Variants in ITGA9 observed in about 807,000 individuals in gnomAD.
ITGA9 encodes the protein integrin subunit alpha 9.
ITGA9 carries 56 observed loss-of-function variants against 127.8 expected under a neutral mutation model. The observed-to-expected ratio is 0.44, with a 90% confidence interval of 0.35 to 0.55. The LOEUF (loss-of-function observed/expected upper bound fraction) is 0.55. Among genes scored for constraint, ITGA9 ranks in the 20% least tolerant of loss-of-function variants. The pLI, the probability that ITGA9 is intolerant of heterozygous loss-of-function variation, is 0.00. For missense variants in ITGA9, 1,196 were observed against 1,347.1 expected (o/e 0.89, Z 1.76); for synonymous variants, 508 against 514.5 (o/e 0.99, Z 0.17).
intron 4 of ITGA9, among the ~76,000 whole-genome samples, chr3:37,490,015 C>A (rs1698653170): frequency 6.7e-6 from 1 of 149,416 alleles, no homozygotes; most frequent in Non-Finnish European, 1.5e-5. Context: ...ATAGTCTGAG[C>A]TAATTCCAAC....
At chr3:37,462,987 T>C (rs1198217690) in intron 1 of ITGA9, among the ~76,000 whole-genome samples, 3 of 152,328 alleles carry the variant, frequency 2.0e-5, no homozygotes, top group Middle Eastern at 3.4e-3. Flanking sequence ...ATACACTCTT[T>C]AGGGCCTATT....
At chr3:37,583,798 T>A (rs1699731462) in intron 15 of ITGA9, among the ~76,000 whole-genome samples, 1 of 152,188 alleles carries the variant, frequency 6.6e-6, no homozygotes, top group Non-Finnish European at 1.5e-5. Flanking sequence ...TGGGTGTAAA[T>A]TAAAAAACAA....
At chr3:37,727,063 G>A (rs1277469531) in intron 18 of ITGA9, among the ~76,000 whole-genome samples, 1 of 152,172 alleles carries the variant, frequency 6.6e-6, no homozygotes, top group Non-Finnish European at 1.5e-5. Flanking sequence ...CTACAGTTGG[G>A]CAGAATCATC....
At chr3:37,484,365 C>G (rs372072927) in intron 4 of ITGA9, among the ~76,000 whole-genome samples, 1 of 152,108 alleles carries the variant, frequency 6.6e-6, no homozygotes, top group Non-Finnish European at 1.5e-5. Context: ...GGATGCCGGC[C>G]GTAGTGAGAG....
intron 15 of ITGA9, among the ~76,000 whole-genome samples, chr3:37,625,786 T>TA (rs1292115269): frequency 6.6e-6 from 1 of 152,164 alleles, no homozygotes; most frequent in East Asian, 1.9e-4. Flanking sequence ...GCAGCTCAGA[T>TA]AAAACAGGCC....
At chr3:37,491,034 C>T (rs551124127) in intron 4 of ITGA9, among the ~76,000 whole-genome samples, 21 of 140,314 alleles carry the variant, frequency 1.5e-4, no homozygotes, top group African/African-American at 2.6e-4. Flanking sequence ...TGGAGTGCAG[C>T]GGCATGATCG....
chr3:37,680,713 C>T (rs1023246297), intron 17 of ITGA9, among the ~76,000 whole-genome samples: 3 of 152,152 alleles, frequency 2.0e-5, no homozygotes, highest in Admixed American at 1.3e-4. Context: ...CTTATGAATG[C>T]CTGTCCACTT....
In ITGA9 at chr3:37,639,351, G is replaced by A. The variant is rs566601201; in HGVS notation, c.1839+10015G>A. On this transcript the variant is annotated intron_variant, in intron 16 of 27. Transcript: ENST00000264741. ...AGTCCAGGAATAATTTACAAAGTGAGATTTAGATTAGTGTGTAAGAATTTC... is the reference window on the plus strand; with the variant it reads ...AGTCCAGGAATAATTTACAAAGTGAAATTTAGATTAGTGTGTAAGAATTTC... Among the ~76,000 whole-genome samples the A allele has an allele frequency of 7.2e-5, 11 of 152,336 alleles. No homozygotes were observed. In the East Asian group the frequency reaches 1.9e-3, roughly 27 times the overall value.
intron 17 of ITGA9, among the ~76,000 whole-genome samples, chr3:37,654,348 C>T (rs764807443): frequency 7.9e-5 from 12 of 152,174 alleles, no homozygotes; most frequent in Non-Finnish European, 1.3e-4. Flanking sequence ...TTTCCTCCCG[C>T]ACTGCATGAA....
Position 37,594,850 on chromosome 3 carries a change from G to A in ITGA9, c.1690-34337G>A, listed in dbSNP as rs58560410. 3.2e-3 allele frequency among the ~76,000 whole-genome samples: 484 copies of A among 152,252 alleles called. 1 individual carries two copies. Among genetic ancestry groups the A allele is most frequent in the African/African-American group, 0.011 (455 of 41,536 alleles). On this transcript the variant is annotated intron_variant, in intron 15 of 27. Coordinates refer to ENST00000264741, the MANE Select transcript of ITGA9 (RefSeq NM_002207.3). ...GCTAGAGCGCAGTAACTATTCACAG[G>A]CACAGTCAGAGCCCACTACAGCCTC... is the stretch of plus-strand genomic sequence containing the variant.
chr3:37,729,973 A>G (rs1310078956), intron 18 of ITGA9, among the ~76,000 whole-genome samples: 4 of 152,132 alleles, frequency 2.6e-5, no homozygotes, highest in African/African-American at 9.7e-5. Flanking sequence ...GAGTGCTGGG[A>G]TTACAGGCAT....
At chr3:37,511,985 TTTCTTTTCTTTTC>T (rs1431971934) in intron 8 of ITGA9, among the ~76,000 whole-genome samples, 2 of 21,596 alleles carry the variant, frequency 9.3e-5, no homozygotes, top group Non-Finnish European at 1.6e-4. Context: ...TTTCTTTTCT[TTTCTTTTCTTTTC>T]TTTTCTTTTC....
intron 8 of ITGA9, among the ~76,000 whole-genome samples, chr3:37,511,817 A>G (rs1330762461): frequency 6.6e-6 from 1 of 152,148 alleles, no homozygotes; most frequent in Non-Finnish European, 1.5e-5. Flanking sequence ...CAGGAAATAG[A>G]TTGGAGTGTC....
At chr3:37,611,759 C>T (rs528323929) in intron 15 of ITGA9, among the ~76,000 whole-genome samples, 127 of 152,210 alleles carry the variant, frequency 8.3e-4, no homozygotes, top group Non-Finnish European at 1.4e-3. Flanking sequence ...GGAAGCTTCT[C>T]AGCTTTCTGG....
chr3:37,591,151 G>C (rs975936346), intron 15 of ITGA9, among the ~76,000 whole-genome samples: 1 of 152,314 alleles, frequency 6.6e-6, no homozygotes, highest in Non-Finnish European at 1.5e-5. Flanking sequence ...GCTGGGCTCT[G>C]CTGAGGATAA....
intron 17 of ITGA9, among the ~76,000 whole-genome samples, chr3:37,672,115 G>A (rs1700641941): frequency 6.6e-6 from 1 of 152,056 alleles, no homozygotes; most frequent in East Asian, 1.9e-4. Context: ...GCTGGAGCTG[G>A]GCCAGACTAC....
intron 1 of ITGA9, among the ~76,000 whole-genome samples, chr3:37,460,360 GAGTA>G (rs1353115372): frequency 6.6e-6 from 1 of 152,194 alleles, no homozygotes; most frequent in African/African-American, 2.4e-5. Context: ...GAGTAAGAAT[GAGTA>G]AGAACTAGTA....
chr3:37,668,999 G>A (rs775490258), intron 17 of ITGA9, among the ~76,000 whole-genome samples: 2 of 152,254 alleles, frequency 1.3e-5, no homozygotes, highest in Non-Finnish European at 2.9e-5. Context: ...AGAGCCACGT[G>A]TGAGACTTGG....
intron 18 of ITGA9, among the ~76,000 whole-genome samples, chr3:37,703,906 G>A (rs959340614): frequency 3.9e-5 from 6 of 152,202 alleles, no homozygotes; most frequent in African/African-American, 1.4e-4. Flanking sequence ...TCCTTAGTGA[G>A]TGGTGGGGCT....
Sources: allele counts gnomAD v4.1 joint callset (sites outside exome capture counted in the v4.1 genomes callset), GRCh38; gene constraint gnomAD v4.1.1; transcripts MANE v1.5; gene names NCBI Gene and HGNC (gene_info 2026-07-23, HGNC 2026-07-21).